The following CDH18 variants were observed in gnomAD, a reference collection of about 807,000 sequenced individuals.
The protein encoded by CDH18 is cadherin 18, also known as cadherin-18.
Under a neutral mutation model 67.9 loss-of-function variants are expected in CDH18, and 31 were observed. That is an observed-to-expected ratio of 0.46 (90% confidence interval 0.34 to 0.62). The LOEUF (loss-of-function observed/expected upper bound fraction) is 0.62, where lower values mean the gene tolerates loss of function less well. Among genes scored for constraint, CDH18 ranks in the 20% least tolerant of loss-of-function variants. The pLI, the probability that CDH18 is intolerant of heterozygous loss-of-function variation, is 0.01. For missense variants in CDH18, 890 were observed against 975.5 expected, an observed-to-expected ratio of 0.91 and a Z score of 1.17; for synonymous variants, 362 against 347.2, an observed-to-expected ratio of 1.04 and a Z score of -0.48.
chr5:20,129,355 T>A (rs1188089060), intron 2 of CDH18, among the ~76,000 whole-genome samples: 5 of 152,090 alleles, frequency 3.3e-5, no homozygotes, highest in Admixed American at 6.5e-5. Context: ...TTAGAAAACA[T>A]ACATTAATTT....
Position 20,300,284 on chromosome 5 carries a change from A to G in CDH18, c.-579-44779T>C, listed in dbSNP as rs932497746. Among the ~76,000 whole-genome samples, 4 of 136,858 alleles carry G rather than the reference A, an allele frequency of 2.9e-5. No homozygotes were observed. The East Asian group carries it at 8.3e-4, about 29-fold the overall frequency. 89.8% of individuals were successfully genotyped at this position (136,858 alleles called of 152,430 possible). A position where few individuals can be genotyped will look rare whatever the true frequency, so the allele number is the denominator to read the frequency against. On this transcript the variant is annotated intron_variant, in intron 1 of 14. Coordinates refer to the CDH18 transcript ENST00000507958. ...GGATCTGAGCCAAACATTTCCACAT[A>G]GATTAAGTTGTGTGTGTGCGTGTGT... is the stretch of plus-strand genomic sequence containing the variant.
intron 3 of CDH18, among the ~76,000 whole-genome samples, chr5:19,761,333 C>T (rs182332776): frequency 6.6e-6 from 1 of 152,200 alleles, no homozygotes; most frequent in Admixed American, 6.5e-5. Flanking sequence ...AGTAACCAAC[C>T]AGCTTCATTA....
Position 19,754,049 on chromosome 5 carries a change from C to A in CDH18, c.229-6813G>T, listed in dbSNP as rs1771204681. Among the ~76,000 whole-genome samples, 2 of 151,912 alleles carry A rather than the reference C, an allele frequency of 1.3e-5. 1 individual carries two copies. Among genetic ancestry groups the A allele is most frequent in the African/African-American group, 4.8e-5 (2 of 41,374 alleles). Reference sequence around the variant, plus strand: ...TTTTTAAGCATAAATCTCACAGGACCTATAAAACAAAATAGAACTTAAAAA... The same window carrying A: ...TTTTTAAGCATAAATCTCACAGGACATATAAAACAAAATAGAACTTAAAAA... On this transcript the variant is annotated intron_variant, in intron 3 of 12. Coordinates refer to ENST00000382275, the MANE Select transcript of CDH18 (RefSeq NM_004934.5).
At chr5:19,945,975 C>T (rs1469722938) in intron 2 of CDH18, among the ~76,000 whole-genome samples, 4 of 152,008 alleles carry the variant, frequency 2.6e-5, no homozygotes, top group African/African-American at 7.2e-5. Context: ...TTGCTGCACG[C>T]TCCACCAAAT....
intron 6 of CDH18, among the ~76,000 whole-genome samples, chr5:19,606,584 G>A (rs1162806387): frequency 6.6e-6 from 1 of 151,874 alleles, no homozygotes; most frequent in Non-Finnish European, 1.5e-5. Context: ...CAGAAGAAAG[G>A]ATTGGTGTAC....
intron 2 of CDH18, among the ~76,000 whole-genome samples, chr5:20,143,152 T>C (rs1249573157): frequency 6.6e-6 from 1 of 152,098 alleles, no homozygotes; most frequent in Non-Finnish European, 1.5e-5. Flanking sequence ...TTCCCATCAT[T>C]TTAAAGAATG....
intron 1 of CDH18, among the ~76,000 whole-genome samples, chr5:20,501,553 TATAATATATATATATA>T (rs1415995843): frequency 1.2e-3 from 21 of 17,574 alleles, no homozygotes; most frequent in African/African-American, 2.6e-3. Context: ...ATATTATATA[TATAATATATATATATA>T]ATATATATAT....
At chr5:19,542,284 T>C (rs1388676279) in intron 9 of CDH18, among the ~76,000 whole-genome samples, 1 of 152,102 alleles carries the variant, frequency 6.6e-6, no homozygotes, top group Admixed American at 6.6e-5. Flanking sequence ...GTAACAAATG[T>C]TGGTGGAAAT....
At chr5:20,356,750 T>TA (rs1447148757) in intron 1 of CDH18, among the ~76,000 whole-genome samples, 1 of 139,982 alleles carries the variant, frequency 7.1e-6, no homozygotes, top group African/African-American at 2.6e-5. Context: ...TCTCTCTCTC[T>TA]CTCTATATAT....
intron 2 of CDH18, among the ~76,000 whole-genome samples, chr5:19,927,880 T>G (rs1579638886): frequency 6.6e-6 from 1 of 152,184 alleles, no homozygotes; most frequent in African/African-American, 2.4e-5. Flanking sequence ...TGAGATGGCA[T>G]AAGCCTTTTC....
rs192753210 is a variant in CDH18, at chr5:19,568,584, T to C, written c.1253+2995A>G. 2.0e-3 allele frequency among the ~76,000 whole-genome samples: 303 copies of C among 152,070 alleles called. 1 individual carries two copies. The Middle Eastern group carries it at 0.024, about 12-fold the overall frequency. On this transcript the variant is annotated intron_variant, in intron 8 of 12. Coordinates refer to ENST00000382275, the MANE Select transcript of CDH18 (RefSeq NM_004934.5). ...CAGCCAAACTGACTAAAGGAGAAAATTGGTGGGACATTCATTGTGTGATGT... is the reference window on the plus strand; with the variant it reads ...CAGCCAAACTGACTAAAGGAGAAAACTGGTGGGACATTCATTGTGTGATGT...
chr5:19,961,217 C>T (rs939476655), intron 2 of CDH18, among the ~76,000 whole-genome samples: 4 of 151,248 alleles, frequency 2.6e-5, no homozygotes, highest in African/African-American at 9.7e-5. Context: ...ATTCTCCTGC[C>T]TCAGCCTCCC....
intron 1 of CDH18, among the ~76,000 whole-genome samples, chr5:20,268,571 A>G (rs1248477690): frequency 6.6e-6 from 1 of 152,126 alleles, no homozygotes; most frequent in Non-Finnish European, 1.5e-5. Context: ...CCCCATCTCT[A>G]TAGCACATTT....
intron 3 of CDH18, among the ~76,000 whole-genome samples, chr5:19,770,883 C>T (rs1440368287): frequency 6.6e-6 from 1 of 152,148 alleles, no homozygotes; most frequent in Non-Finnish European, 1.5e-5. Context: ...TGTAGCTTCA[C>T]AGAACTACAG....
intron 2 of CDH18, among the ~76,000 whole-genome samples, chr5:20,060,878 C>T (rs1277208426): frequency 6.6e-6 from 1 of 151,502 alleles, no homozygotes; most frequent in Non-Finnish European, 1.5e-5. Context: ...TTCTAGAAAA[C>T]CTGCTTTTTA....
intron 2 of CDH18, among the ~76,000 whole-genome samples, chr5:20,233,104 G>T (rs1445622863): frequency 6.6e-6 from 1 of 151,320 alleles, no homozygotes; most frequent in African/African-American, 2.4e-5. Flanking sequence ...ATGCTTTCTT[G>T]TTCTTCATAT....
chr5:20,181,135 T>C (rs949584146), intron 2 of CDH18, among the ~76,000 whole-genome samples: 3 of 152,150 alleles, frequency 2.0e-5, no homozygotes, highest in African/African-American at 7.2e-5. Context: ...CCAACCAATG[T>C]GGCTCAACTC....
At chr5:20,316,545 G>A (rs1047063917) in intron 1 of CDH18, among the ~76,000 whole-genome samples, 5 of 152,044 alleles carry the variant, frequency 3.3e-5, no homozygotes, top group Non-Finnish European at 7.4e-5. Context: ...ATTCGGAATA[G>A]AAAGCTGTCA....
At chr5:19,709,005 T>TCAAA (rs1554010753) in intron 5 of CDH18, among the ~76,000 whole-genome samples, 146 of 1,018 alleles carry the variant, frequency 0.14, no homozygotes, top group South Asian at 0.5. Context: ...TAGACTCTGT[T>TCAAA]AAATAAATAA....
Sources: allele counts gnomAD v4.1 joint callset (sites outside exome capture counted in the v4.1 genomes callset), GRCh38; gene constraint gnomAD v4.1.1; transcripts MANE v1.5; gene names NCBI Gene and HGNC (gene_info 2026-07-23, HGNC 2026-07-21).